Variants in PFKL observed in about 807,000 individuals in gnomAD.
The protein encoded by PFKL is phosphofructokinase, liver type, also known as ATP-dependent 6-phosphofructokinase, liver type.
Under a neutral mutation model 92.1 loss-of-function variants are expected in PFKL, and 74 were observed. The observed-to-expected ratio is 0.80, with a 90% CI of 0.67 to 0.97. The LOEUF is 0.97. PFKL is among the 50% of genes least tolerant of loss of function. PFKL has a pLI of 0.00. For synonymous variants in PFKL, 494 were observed against 456.4 expected, an observed-to-expected ratio of 1.08 and a Z score of -1.05; for missense variants, 1,028 against 1,116.6, an observed-to-expected ratio of 0.92 and a Z score of 1.13.
intron 19 of PFKL, 75 bp from the exon 20 acceptor site, chr21:44,325,886 C>A: frequency 9.3e-7 from 1 of 1,074,680 alleles, no homozygotes; most frequent in Non-Finnish European, 1.4e-6. Context: ...CCGTGGGGAT[C>A]CTGTCTGCAC....
In PFKL at chr21:44,327,098, C is replaced by T. The variant is rs2047536079; in HGVS notation, c.*236C>T. On this transcript the variant is annotated 3_prime_UTR_variant, in exon 22 of 22. Transcript: ENST00000349048. ...GGACAGAGTGCCCTGGGGCATCCAC[C>T]TTCCTGCCCAGGGGACGTGGCGCTG... is the stretch of plus-strand genomic sequence containing the variant. 1.7e-6 allele frequency: 1 copy of T among 571,502 alleles called. No homozygotes were observed. Among genetic ancestry groups the T allele is most frequent in the East Asian group, 2.9e-5 (1 of 34,832 alleles). The allele number at this position is 571,502 out of a possible 1,614,324, so 35.4% of individuals were successfully genotyped here. A position where few individuals can be genotyped will look rare whatever the true frequency, so the allele number is the denominator to read the frequency against.
At chr21:44,325,819 C>T (rs150140560) in intron 19 of PFKL, 142 bp from the exon 20 acceptor site, 26 of 630,110 alleles carry the variant, frequency 4.1e-5, no homozygotes, top group Middle Eastern at 3.9e-4. Flanking sequence ...CGGGAACAGA[C>T]GGGAACGGTG....
In PFKL at chr21:44,319,406, T is replaced by A. The variant is rs778577444; in HGVS notation, c.1118T>A (p.Leu373His). ...DDKRFDEATQ[L>H]RGGSFENNWN... ...AAGAGGTTTGACGAGGCCACCCAGC[T>A]CCGTGGTGGGTAAGCCCCCTCAGCA... The change falls in exon 11 of 22, where the codon CTC becomes CAC. Residue 373 changes from leucine (L) to histidine (H), a missense_variant. Coordinates refer to ENST00000349048, the MANE Select transcript of PFKL (RefSeq NM_002626.6). The A allele has an allele frequency of 3.7e-5, 59 of 1,613,018 alleles. No homozygotes were observed. Among genetic ancestry groups the A allele is most frequent in the Non-Finnish European group, 4.9e-5 (58 of 1,179,448 alleles).
intron 11 of PFKL, 88 bp from the exon 12 acceptor site, chr21:44,319,996 C>T (rs2047317053): frequency 1.6e-6 from 2 of 1,236,666 alleles, no homozygotes; most frequent in African/African-American, 1.5e-5. Context: ...TGCCTGTGAC[C>T]AGCCTCCTGG....
chr21:44,315,868 T>C (rs2047188696), intron 7 of PFKL: 3 of 287,416 alleles, frequency 1.0e-5, no homozygotes, highest in African/African-American at 2.2e-5. Context: ...CAGGCCCCTC[T>C]GCCCTGTGCC....
rs2047374007 is a variant in PFKL, at chr21:44,322,157, GT to G, written c.1364del (p.Val455GlyfsTer91). On this transcript the variant is annotated frameshift_variant, in exon 14 of 22. Coordinates refer to ENST00000349048, the MANE Select transcript of PFKL (RefSeq NM_002626.6). LOFTEE classifies it high-confidence loss of function. ...GGTGCAAGAAGTAGGCTGGCACGAC[GT>G]GGCCGGCTGGTTGGGGCGTGGTGGC... ...GQVQEVGWHD[V>X]AGWLGRGGSM... 6.2e-7 allele frequency: 1 copy of G among 1,605,902 alleles called. No homozygotes were observed. Among genetic ancestry groups the G allele is most frequent in the Non-Finnish European group, 8.5e-7 (1 of 1,178,630 alleles).
At position 44,303,441 on chromosome 21, in the gene PFKL, A is replaced by AAAAAAAAAAAAAAAAGACTTGATCG. The variant is rs1555874972; in HGVS notation, c.86-3226_86-3225insAGACTTGATCGAAAAAAAAAAAAAA. On this transcript the variant is annotated intron_variant, in intron 1 of 21. Transcript: ENST00000349048. ...AAAAAAACAGACTTGACCAAAAAAAAAAAAAAAAAAAAAATGGCCCGGCCT... is the reference window on the plus strand; with the variant it reads ...AAAAAAACAGACTTGACCAAAAAAAAAAAAAAAAAAAAAAAGACTTGATCGAAAAAAAAAAAAAATGGCCCGGCCT... Among the ~76,000 whole-genome samples the AAAAAAAAAAAAAAAAGACTTGATCG allele has an allele frequency of 5.7e-4, 55 of 97,126 alleles. 14 individuals carry two copies. The highest frequency in any genetic ancestry group is 5.9e-3 in the Middle Eastern group (1 of 170). The allele number at this position is 97,126 out of a possible 152,430, so 63.7% of individuals were successfully genotyped here.
intron 17 of PFKL, 62 bp downstream of exon 17, chr21:44,324,717 A>G (rs963880047): frequency 1.3e-6 from 2 of 1,559,390 alleles, no homozygotes; most frequent in Admixed American, 1.8e-5. Context: ...GGCCCCAGAC[A>G]CTCAGGCCGG....
intron 7 of PFKL, chr21:44,314,593 G>A (rs1446837734): frequency 1.3e-5 from 1 of 74,396 alleles, no homozygotes; most frequent in Non-Finnish European, 2.4e-5. Flanking sequence ...GGGAGGGATG[G>A]GGGGGTGCCT....
At chr21:44,324,203 G>T (rs965144816) in intron 16 of PFKL, among the ~76,000 whole-genome samples, 3 of 152,134 alleles carry the variant, frequency 2.0e-5, no homozygotes, top group South Asian at 4.1e-4. Flanking sequence ...TAAGAGCAGC[G>T]CCTGGCCTCT....
At chr21:44,322,252 T>G in intron 14 of PFKL, 49 bp downstream of exon 14, 1 of 1,532,214 alleles carries the variant, frequency 6.5e-7, no homozygotes, top group Admixed American at 1.8e-5. Flanking sequence ...CAGGGCGCAG[T>G]ATCCAGGCCC....
In PFKL at chr21:44,324,814, C is replaced by T. The variant is rs536051984; in HGVS notation, c.1816-42C>T. The T allele has an allele frequency of 1.5e-5, 24 of 1,595,550 alleles. No homozygotes were observed. In the South Asian group the frequency reaches 2.2e-4, roughly 15 times the overall value. ...ATCGCCGGTCAGCCTGGAATTCCCT[C>T]CCCACAGTCCTCCGGCTCATCCGTG... On this transcript the variant is annotated intron_variant, in intron 17 of 21. Transcript: ENST00000349048.
chr21:44,313,724 G>A (rs959315521), intron 6 of PFKL, 42 bp downstream of exon 6: 6 of 1,580,376 alleles, frequency 3.8e-6, no homozygotes, highest in Non-Finnish European at 5.2e-6. Context: ...CCCGGGTGCT[G>A]CTGGGGACCG....
At position 44,324,529 on chromosome 21, in the gene PFKL, G is replaced by A; in HGVS notation, c.1689G>A (p.Lys563=). The A allele has an allele frequency of 6.2e-7, 1 of 1,613,454 alleles. No homozygotes were observed. The highest frequency in any genetic ancestry group is 8.5e-7 in the Non-Finnish European group (1 of 1,179,908). Residue 563 remains lysine, a synonymous_variant, in exon 17 of 22, where the codon AAG becomes AAA. Transcript: ENST00000349048. Reference sequence around the variant, plus strand: ...TCAAACAGTCTGCCTCGGGGACCAAGCGCCGTGTGTTCATCGTGGAGACCA... The same window carrying A: ...TCAAACAGTCTGCCTCGGGGACCAAACGCCGTGTGTTCATCGTGGAGACCA... The part of the protein sequence containing the change: ...DRIKQSASGT[K]RRVFIVETMG...
rs142777772 is a variant in PFKL at position 44,324,910 on chromosome 21, G to A, written c.1870G>A (p.Val624Met). The change falls in exon 18 of 22, where the codon GTG (valine) becomes ATG (methionine). Residue 624 changes from valine (V) to methionine (M), a missense_variant. By Grantham distance (21) the Val-to-Met change is conservative. Transcript: ENST00000349048. ...KMKTDIQRGL[V>M]LRNEKCHDYY... The stretch of plus-strand genomic sequence containing the variant: ...GAAGACAGACATTCAGAGGGGCCTG[G>A]TGCTGCGGTGAGGCTGCCGTGGGTC... 2 of 1,605,900 alleles carry A rather than the reference G, an allele frequency of 1.2e-6. No homozygotes were observed. The highest frequency in any genetic ancestry group is 2.2e-5 in the East Asian group (1 of 44,498).
rs985071432 is a variant in PFKL, at chr21:44,307,798, G to A, written c.159+1044G>A. Among the ~76,000 whole-genome samples, 3 of 152,328 alleles carry A rather than the reference G, an allele frequency of 2.0e-5. No homozygotes were observed. The East Asian group carries it at 5.8e-4, about 29-fold the overall frequency. Reference sequence around the variant, plus strand: ...GAGCTGGGTGTGGGGGCCTCTCTAGGCAGGCTGGGCTGTGTCCGTACAAAC... The same window carrying A: ...GAGCTGGGTGTGGGGGCCTCTCTAGACAGGCTGGGCTGTGTCCGTACAAAC... On this transcript the variant is annotated intron_variant, in intron 2 of 21. Coordinates refer to ENST00000349048, the MANE Select transcript of PFKL (RefSeq NM_002626.6).
intron 4 of PFKL, among the ~76,000 whole-genome samples, 155 bp downstream of exon 4, chr21:44,312,449 G>A (rs967894271): frequency 6.6e-6 from 1 of 152,192 alleles, no homozygotes; most frequent in African/African-American, 2.4e-5. Context: ...AGTAGTGTCT[G>A]CCAGCACGAG....
chr21:44,304,181 A>G, intron 1 of PFKL: 1 of 1,281,994 alleles, frequency 7.8e-7, no homozygotes, highest in Non-Finnish European at 1.0e-6. Flanking sequence ...CGGGCGTCAA[A>G]GCAGGTTTTA....
intron 2 of PFKL, among the ~76,000 whole-genome samples, chr21:44,308,486 G>A (rs1399780126): frequency 6.6e-6 from 1 of 152,126 alleles, no homozygotes; most frequent in Non-Finnish European, 1.5e-5. Flanking sequence ...GGAGAGGTAG[G>A]GCGAAGATGC....
Sources: gnomAD v4.1 joint callset for allele counts (sites outside exome capture counted in the v4.1 genomes callset) on GRCh38, gnomAD v4.1.1 for gene constraint, MANE v1.5 for transcripts, NCBI Gene and HGNC (gene_info 2026-07-23, HGNC 2026-07-21) for gene names.